The following PRKN variants were observed in gnomAD, a reference collection of about 807,000 sequenced individuals.
PRKN encodes the protein E3 ubiquitin-protein ligase parkin.
Under a neutral mutation model 59.5 loss-of-function variants are expected in PRKN, and 56 were observed. That is an observed-to-expected ratio of 0.94 (90% confidence interval 0.76 to 1.18). PRKN has a LOEUF of 1.18. Among genes scored for constraint, PRKN ranks in the 50% most tolerant of loss-of-function variants. PRKN has a pLI of 0.00. For synonymous variants in PRKN, 250 were observed against 222.1 expected (o/e 1.13, Z -1.12); for missense variants, 657 against 596.4 (o/e 1.10, Z -1.06).
chr6:162,245,011 A>C (rs941748039), intron 3 of PRKN, among the ~76,000 whole-genome samples: 1 of 152,114 alleles, frequency 6.6e-6, no homozygotes, highest in Non-Finnish European at 1.5e-5. Context: ...AGCGTAAAAT[A>C]TTGTATCTCT....
rs1781295370 is a variant in PRKN, at chr6:161,982,446, A to G, written c.619-9029T>C. On this transcript the variant is annotated intron_variant, in intron 5 of 11. Transcript: ENST00000366898. ...AACCAAAAAAGAGCCCGCATTGCCA[A>G]GTCAATCCTAAGCCAAAAGAACAAA... is the stretch of plus-strand genomic sequence containing the variant. 3.7e-5 allele frequency among the ~76,000 whole-genome samples: 3 copies of G among 81,950 alleles called. No individual in the cohort carries two copies. In the South Asian group the frequency reaches 1.4e-3, roughly 39 times the overall value. The allele number at this position is 81,950 out of a possible 152,430, so 53.8% of individuals were successfully genotyped here.
At position 162,268,261 on chromosome 6, in the gene PRKN, G is replaced by T. The variant is rs778527011; in HGVS notation, c.172-5496C>A. The stretch of plus-strand genomic sequence containing the variant: ...CAATGTGATTGCATGAAGAGGTGGA[G>T]CCTCTAGAAGGTGATTAAATCATGA... On this transcript the variant is annotated intron_variant, in intron 2 of 11. Coordinates refer to ENST00000366898, the MANE Select transcript of PRKN (RefSeq NM_004562.3). 6.6e-4 allele frequency among the ~76,000 whole-genome samples: 100 copies of T among 152,270 alleles called. 1 individual carries two copies. The highest frequency in any genetic ancestry group is 3.1e-3 in the Admixed American group (47 of 15,296).
intron 7 of PRKN, among the ~76,000 whole-genome samples, chr6:161,623,435 T>G (rs965133175): frequency 6.6e-6 from 1 of 152,250 alleles, no homozygotes; most frequent in Non-Finnish European, 1.5e-5. Flanking sequence ...ACACTTCCAG[T>G]GTCACATTAT....
At chr6:162,249,324 C>T (rs1779330674) in intron 3 of PRKN, among the ~76,000 whole-genome samples, 2 of 152,158 alleles carry the variant, frequency 1.3e-5, no homozygotes, top group Non-Finnish European at 2.9e-5. Context: ...TCTCATCTTA[C>T]CAGGATACAA....
intron 1 of PRKN, among the ~76,000 whole-genome samples, chr6:162,689,976 T>A (rs1411224119): frequency 1.3e-5 from 2 of 152,124 alleles, no homozygotes; most frequent in African/African-American, 4.8e-5. Context: ...TTATTCTGAA[T>A]ATATGAGGAC....
chr6:161,512,739 C>T (rs991675823), intron 9 of PRKN, among the ~76,000 whole-genome samples: 5 of 152,176 alleles, frequency 3.3e-5, no homozygotes, highest in South Asian at 2.1e-4. Flanking sequence ...AGAGCAAACG[C>T]GGAGAGGCAA....
At chr6:162,285,478 T>G (rs1463154733) in intron 2 of PRKN, among the ~76,000 whole-genome samples, 1 of 152,080 alleles carries the variant, frequency 6.6e-6, no homozygotes, top group African/African-American at 2.4e-5. Context: ...GGGTTATTCA[T>G]TTCTGCATTG....
At chr6:161,683,066 C>T (rs937056981) in intron 7 of PRKN, among the ~76,000 whole-genome samples, 2 of 152,196 alleles carry the variant, frequency 1.3e-5, no homozygotes, top group Non-Finnish European at 2.9e-5. Flanking sequence ...TAGGGAGGAG[C>T]ATGCATGGCA....
chr6:162,549,055 A>G (rs1779231941), intron 1 of PRKN, among the ~76,000 whole-genome samples: 1 of 152,056 alleles, frequency 6.6e-6, no homozygotes, highest in Non-Finnish European at 1.5e-5. Flanking sequence ...CCCCCCCAAG[A>G]TGATGGTATT....
chr6:161,477,371 T>A (rs9346857), intron 9 of PRKN, among the ~76,000 whole-genome samples: 1 of 151,302 alleles, frequency 6.6e-6, no homozygotes, highest in East Asian at 2.0e-4. Context: ...TACAAAATTA[T>A]CCAGGCGTGG....
At position 161,414,270 on chromosome 6, in the gene PRKN, C is replaced by G. The variant is rs1183668702; in HGVS notation, c.1084-27393G>C. On this transcript the variant is annotated intron_variant, in intron 9 of 11. Coordinates refer to ENST00000366898, the MANE Select transcript of PRKN (RefSeq NM_004562.3). The surrounding 1 kb of genome is among the most constrained non-coding windows in gnomAD (Gnocchi z 5.3). ...GAGCCGTGCACCCTTCTCCGGAAGG[C>G]TGGAGGGTGTTCAGCGTTGTTTGTC... Among the ~76,000 whole-genome samples the G allele has an allele frequency of 1.3e-5, 2 of 152,158 alleles. No individual in the cohort carries two copies. The highest frequency in any genetic ancestry group is 2.9e-5 in the Non-Finnish European group (2 of 68,044).
At chr6:161,708,512 G>A (rs985588148) in intron 7 of PRKN, among the ~76,000 whole-genome samples, 1 of 150,430 alleles carries the variant, frequency 6.6e-6, no homozygotes, top group Non-Finnish European at 1.5e-5. Context: ...AGGATTCTGT[G>A]TATGGGGGGG....
intron 4 of PRKN, among the ~76,000 whole-genome samples, chr6:162,175,736 T>C (rs1783501812): frequency 6.6e-6 from 1 of 152,174 alleles, no homozygotes; most frequent in Non-Finnish European, 1.5e-5. Flanking sequence ...CGGGACATAC[T>C]GCTGGAATAG....
intron 7 of PRKN, among the ~76,000 whole-genome samples, chr6:161,657,055 A>G (rs757858982): frequency 7.2e-5 from 11 of 152,198 alleles, no homozygotes; most frequent in Non-Finnish European, 1.3e-4. Context: ...TGACACTTCC[A>G]CCTGGACATC....
intron 4 of PRKN, among the ~76,000 whole-genome samples, chr6:162,091,672 C>A (rs1583019328): frequency 6.6e-6 from 1 of 152,220 alleles, no homozygotes; most frequent in Middle Eastern, 3.4e-3. Context: ...AACAGAGAAT[C>A]CAGGTATATT....
chr6:162,591,758 T>C (rs532894592), intron 1 of PRKN, among the ~76,000 whole-genome samples: 1 of 152,316 alleles, frequency 6.6e-6, no homozygotes, highest in Non-Finnish European at 1.5e-5. Flanking sequence ...AGGATAACAA[T>C]TTTGACAATT....
intron 6 of PRKN, among the ~76,000 whole-genome samples, chr6:161,961,138 T>C (rs750284721): frequency 2.7e-4 from 41 of 152,286 alleles, no homozygotes; most frequent in Non-Finnish European, 5.6e-4. Context: ...GACGTACACA[T>C]GTGTCTGGAC....
At position 161,735,042 on chromosome 6, in the gene PRKN, C is replaced by T. The variant is rs990584056; in HGVS notation, c.871+50730G>A. On this transcript the variant is annotated intron_variant, in intron 7 of 11. Coordinates refer to ENST00000366898, the MANE Select transcript of PRKN (RefSeq NM_004562.3). ...GCAAAAAAAAAAAAAAAAGCACATG[C>T]CCCCTCCAGTGTTAGTTGCTGCCTT... 5.3e-5 allele frequency among the ~76,000 whole-genome samples: 8 copies of T among 150,644 alleles called. No homozygotes were observed. The East Asian group carries it at 5.8e-4, about 11-fold the overall frequency.
rs1019601201 is a variant in PRKN at position 161,461,505 on chromosome 6, C to T, written c.1084-74628G>A. On this transcript the variant is annotated intron_variant, in intron 9 of 11. Coordinates refer to ENST00000366898, the MANE Select transcript of PRKN (RefSeq NM_004562.3). The surrounding 1 kb of genome is among the most constrained non-coding windows in gnomAD (Gnocchi z 5.1). ...CAAGGCAGGAAGAGTGTAGGTTGTT[C>T]CAGTAGTTGAGGTAAAGAGTGGGGA... Among the ~76,000 whole-genome samples the T allele has an allele frequency of 1.3e-5, 2 of 151,910 alleles. No homozygotes were observed. The highest frequency in any genetic ancestry group is 4.2e-4 in the South Asian group (2 of 4,796).
Sources: gnomAD v4.1 joint callset for allele counts (sites outside exome capture counted in the v4.1 genomes callset) on GRCh38, gnomAD v4.1.1 for gene constraint, Gnocchi (gnomAD v3.1) non-coding constraint, MANE v1.5 for transcripts, NCBI Gene and HGNC (gene_info 2026-07-23, HGNC 2026-07-21) for gene names.